The following IMPA1 variants were observed in gnomAD, a reference collection of about 807,000 sequenced individuals.
IMPA1 encodes the protein D-galactose 1-phosphate phosphatase.
In IMPA1, 21 loss-of-function variants were observed where a neutral mutation model predicts 34.9. The ratio of observed to expected loss-of-function variants is 0.60; its 90% CI spans 0.43 to 0.87. The LOEUF (loss-of-function observed/expected upper bound fraction) is 0.87. Ranked by LOEUF, IMPA1 falls within the 40% of genes least tolerant of loss-of-function variation. The pLI, the probability that IMPA1 is intolerant of heterozygous loss-of-function variation, is 0.00. For synonymous variants in IMPA1, 95 were observed against 104.4 expected (o/e 0.91, Z 0.55); for missense variants, 299 against 336.4 (o/e 0.89, Z 0.87).
At position 81,680,876 on chromosome 8, in the gene IMPA1, AAAT is replaced by A. The variant is rs1490752048; in HGVS notation, c.64-96_64-94del. 5.5e-6 allele frequency: 5 copies of A among 911,350 alleles called. No individual in the cohort carries two copies. In the African/African-American group the frequency reaches 8.4e-5, roughly 15 times the overall value. The allele number at this position is 911,350 out of a possible 1,614,324, so 56.5% of individuals were successfully genotyped here. On this transcript the variant is annotated intron_variant, in intron 2 of 8. Coordinates refer to ENST00000256108, the MANE Select transcript of IMPA1 (RefSeq NM_005536.4). ...TGGTTTAAGACATTCAATCTGTCTTAAATAATATTCTTTAAAGACATTCTTAAA... is the reference window on the plus strand; with the variant it reads ...TGGTTTAAGACATTCAATCTGTCTTAAATATTCTTTAAAGACATTCTTAAA...
At chr8:81,680,232 T>C (rs1807257272) in intron 3 of IMPA1, among the ~76,000 whole-genome samples, 1 of 152,206 alleles carries the variant, frequency 6.6e-6, no homozygotes, top group Non-Finnish European at 1.5e-5. Flanking sequence ...AGATACTTGT[T>C]TCTAACCAAT....
At chr8:81,666,602 A>G (rs183766904) in intron 7 of IMPA1, among the ~76,000 whole-genome samples, 18 of 152,304 alleles carry the variant, frequency 1.2e-4, no homozygotes, top group Non-Finnish European at 2.2e-4. Context: ...GGCCAGGCAC[A>G]GTGGCTCACG....
intron 1 of IMPA1, among the ~76,000 whole-genome samples, chr8:81,684,599 ATATATAT>A (rs1807432197): frequency 2.0e-4 from 22 of 107,962 alleles, no homozygotes; most frequent in East Asian, 1.1e-3. Context: ...ATCTTTAGAT[ATATATAT>A]CTAGTATATA....
chr8:81,668,422 C>T lies in IMPA1; in HGVS notation c.566+2517G>A, dbSNP rs1038869486. 1.2e-4 allele frequency among the ~76,000 whole-genome samples: 18 copies of T among 152,062 alleles called. No individual in the cohort carries two copies. The East Asian group carries it at 2.9e-3, about 25-fold the overall frequency. On this transcript the variant is annotated intron_variant, in intron 7 of 8. Coordinates refer to ENST00000256108, the MANE Select transcript of IMPA1 (RefSeq NM_005536.4). ...CTGCACGGCGAACCCCATTTTTATA[C>T]AAAATACCACAAATATAAAAATTAA...
intron 7 of IMPA1, among the ~76,000 whole-genome samples, chr8:81,662,089 G>A (rs917233712): frequency 6.6e-6 from 1 of 152,064 alleles, no homozygotes; most frequent in African/African-American, 2.4e-5. Flanking sequence ...TCATTGATTT[G>A]GCATGTTTTC....
Position 81,674,378 on chromosome 8 carries a change from TA to T in IMPA1, c.349-430del, listed in dbSNP as rs1807072852. 2.2e-5 allele frequency: 4 copies of T among 182,530 alleles called. No individual in the cohort carries two copies. In the South Asian group the frequency reaches 3.5e-4, roughly 16 times the overall value. 11.3% of individuals were successfully genotyped at this position (182,530 alleles called of 1,614,324 possible). On this transcript the variant is annotated intron_variant, in intron 5 of 8. Coordinates refer to ENST00000256108, the MANE Select transcript of IMPA1 (RefSeq NM_005536.4). ...TTACAAAACCTTTGAAATGTTATTC[TA>T]TCCTTTTCCCTTCACTGCCAATGAG... is the stretch of plus-strand genomic sequence containing the variant.
intron 7 of IMPA1, among the ~76,000 whole-genome samples, chr8:81,668,404 G>A (rs971871957): frequency 2.0e-5 from 3 of 151,992 alleles, no homozygotes; most frequent in African/African-American, 7.2e-5. Context: ...GGGCTGCACG[G>A]CGAACCCCAT....
intron 1 of IMPA1, among the ~76,000 whole-genome samples, chr8:81,682,232 C>T (rs1442795260): frequency 6.6e-6 from 1 of 152,098 alleles, no homozygotes; most frequent in African/African-American, 2.4e-5. Context: ...TATTTGTGTT[C>T]TAAACTGTCC....
chr8:81,660,417 A>C, intron 8 of IMPA1, 99 bp downstream of exon 8: 1 of 953,494 alleles, frequency 1.0e-6, no homozygotes, highest in Non-Finnish European at 1.6e-6. Flanking sequence ...CTGCTTCAAA[A>C]ACTGCAGTAT....
chr8:81,682,423 T>C (rs181725540), intron 1 of IMPA1, among the ~76,000 whole-genome samples: 2 of 152,284 alleles, frequency 1.3e-5, no homozygotes, highest in Admixed American at 6.5e-5. Context: ...GAGTTACATC[T>C]TGAAGACTAT....
intron 5 of IMPA1, 124 bp from the exon 6 acceptor site, chr8:81,674,073 G>T: frequency 1.6e-6 from 1 of 609,228 alleles, no homozygotes; most frequent in East Asian, 2.7e-5. Context: ...CTAAACTGTG[G>T]GATACTTAAA....
chr8:81,666,440 TA>T (rs538024820), intron 7 of IMPA1, among the ~76,000 whole-genome samples: 16 of 152,294 alleles, frequency 1.1e-4, no homozygotes, highest in African/African-American at 3.8e-4. Context: ...ACCTATCTGT[TA>T]AAAGAAAAAG....
intron 2 of IMPA1, 85 bp downstream of exon 2, chr8:81,681,413 C>A: frequency 1.2e-6 from 1 of 805,098 alleles, no homozygotes; most frequent in South Asian, 1.5e-5. Context: ...GAAACCAAAT[C>A]GAAACAAACA....
chr8:81,671,425 C>G (rs1158620660), intron 6 of IMPA1, among the ~76,000 whole-genome samples: 1 of 152,054 alleles, frequency 6.6e-6, no homozygotes, highest in African/African-American at 2.4e-5. Flanking sequence ...ACTTTTACAA[C>G]AAAAGTAAAA....
At chr8:81,666,669 T>C (rs1806831482) in intron 7 of IMPA1, among the ~76,000 whole-genome samples, 1 of 151,372 alleles carries the variant, frequency 6.6e-6, no homozygotes, top group Non-Finnish European at 1.5e-5. Flanking sequence ...AGGTCAGGAG[T>C]TCCAGACCAG....
rs146660080 is a variant in IMPA1, at chr8:81,666,101, T to C, written c.566+4838A>G. ...GTAAATATAATATGTTCTGGCAAAG[T>C]AGACAGAATGCAACTTTAAAAATGG... On this transcript the variant is annotated intron_variant, in intron 7 of 8. Coordinates refer to ENST00000256108, the MANE Select transcript of IMPA1 (RefSeq NM_005536.4). Among the ~76,000 whole-genome samples the C allele has an allele frequency of 1.1e-3, 167 of 152,202 alleles. 1 individual carries two copies. The highest frequency in any genetic ancestry group is 3.9e-3 in the African/African-American group (160 of 41,528).
At position 81,668,666 on chromosome 8, in the gene IMPA1, G is replaced by C. The variant is rs568198899; in HGVS notation, c.566+2273C>G. ...CAAAAAAATTTGGAAAACTCAGCCTGGCCAAGAGTGAAAAGGTGTGTTCAA... is the reference window on the plus strand; with the variant it reads ...CAAAAAAATTTGGAAAACTCAGCCTCGCCAAGAGTGAAAAGGTGTGTTCAA... On this transcript the variant is annotated intron_variant, in intron 7 of 8. Coordinates refer to ENST00000256108, the MANE Select transcript of IMPA1 (RefSeq NM_005536.4). Among the ~76,000 whole-genome samples, 242 of 152,270 alleles carry C rather than the reference G, an allele frequency of 1.6e-3. 1 individual carries two copies. Among genetic ancestry groups the C allele is most frequent in the Non-Finnish European group, 2.6e-3 (178 of 68,010 alleles).
intron 1 of IMPA1, among the ~76,000 whole-genome samples, chr8:81,685,583 ATATT>A (rs1283994574): frequency 1.4e-5 from 2 of 140,996 alleles, no homozygotes; most frequent in African/African-American, 2.5e-5. Context: ...ATACAGAAGT[ATATT>A]TATGTACTAT....
intron 4 of IMPA1, among the ~76,000 whole-genome samples, chr8:81,678,204 C>T (rs1287572883): frequency 6.6e-6 from 1 of 151,926 alleles, no homozygotes; most frequent in Non-Finnish European, 1.5e-5. Flanking sequence ...AGCCCCAGCC[C>T]CATCCCCATC....
Sources: allele counts gnomAD v4.1 joint callset (sites outside exome capture counted in the v4.1 genomes callset), GRCh38; gene constraint gnomAD v4.1.1; transcripts MANE v1.5; gene names NCBI Gene and HGNC (gene_info 2026-07-23, HGNC 2026-07-21).